The following RBKS variants were observed in gnomAD, a reference collection of about 807,000 sequenced individuals.
RBKS encodes ribokinase.
In RBKS, 33 loss-of-function variants were observed where a neutral mutation model predicts 33.9. The observed-to-expected ratio is 0.97, with a 90% CI of 0.74 to 1.30. The LOEUF (loss-of-function observed/expected upper bound fraction) is 1.30, where lower values mean the gene tolerates loss of function less well. RBKS is among the 50% of genes most tolerant of loss of function. The pLI is 0.00. For missense variants in RBKS, 361 were observed against 392.6 expected (o/e 0.92, Z 0.68); for synonymous variants, 125 against 143.0 (o/e 0.87, Z 0.90).
In RBKS at chr2:27,843,293, A is replaced by C. The variant is rs1482450132; in HGVS notation, c.350-62T>G. 5.4e-6 allele frequency: 7 copies of C among 1,285,440 alleles called. No homozygotes were observed. In the East Asian group the frequency reaches 1.7e-4, roughly 31 times the overall value. The allele number at this position is 1,285,440 out of a possible 1,614,324, so 79.6% of individuals were successfully genotyped here. On this transcript the variant is annotated intron_variant, in intron 4 of 7. Coordinates refer to ENST00000302188, the MANE Select transcript of RBKS (RefSeq NM_022128.3). ...CAAAGCCAAGCAAATGATATTCTGC[A>C]GTGTTATGAATACAATCGCCCTTGT...
intron 7 of RBKS, among the ~76,000 whole-genome samples, chr2:27,807,667 C>T (rs1345584499): frequency 2.0e-5 from 3 of 152,092 alleles, no homozygotes; most frequent in Admixed American, 2.0e-4. Context: ...GTACTGTGCC[C>T]GGCCACCAGA....
chr2:27,878,429 A>G (rs7571012), intron 1 of RBKS, among the ~76,000 whole-genome samples: 43,227 of 151,264 alleles, frequency 0.29, 6,984 homozygotes, highest in East Asian at 0.63. Flanking sequence ...CCAGTCTATC[A>G]TTGTTGGACA....
intron 7 of RBKS, among the ~76,000 whole-genome samples, chr2:27,807,915 G>A (rs1677923889): frequency 6.6e-6 from 1 of 152,206 alleles, no homozygotes; most frequent in Non-Finnish European, 1.5e-5. Flanking sequence ...GAAAAAAAGA[G>A]GTGGAGGACT....
intron 1 of RBKS, among the ~76,000 whole-genome samples, chr2:27,868,648 T>C (rs1664146120): frequency 6.6e-6 from 1 of 152,200 alleles, no homozygotes; most frequent in Admixed American, 6.5e-5. Context: ...ACTTCTTGTT[T>C]TGAGTGTGTC....
At chr2:27,789,868 ATGTGTGTG>A (rs112593610) in intron 7 of RBKS, among the ~76,000 whole-genome samples, 31 of 131,078 alleles carry the variant, frequency 2.4e-4, no homozygotes, top group African/African-American at 6.3e-4. Context: ...TGGCCAGCTG[ATGTGTGTG>A]TGTGTGTGTG....
intron 6 of RBKS, 31 bp from the exon 7 acceptor site, chr2:27,827,786 G>T: frequency 6.6e-7 from 1 of 1,509,002 alleles, no homozygotes; most frequent in Non-Finnish European, 8.9e-7. Flanking sequence ...CAGAAACAGT[G>T]GTGAAAATAA....
Position 27,781,750 on chromosome 2 carries a change from G to A in RBKS, c.834C>T (p.Tyr278=). ...AGGACAGATTTGGATAGTAAGCCAGGTAGAAGGCCAGAGCTCCCACAAAGC... is the reference window on the plus strand; with the variant it reads ...AGGACAGATTTGGATAGTAAGCCAGATAGAAGGCCAGAGCTCCCACAAAGC... ...GDSFVGALAF[Y]LAYYPNLSLE... is the part of the protein sequence containing the mutation. The change falls in exon 8 of 8, where the codon TAC becomes TAT. Residue 278 remains tyrosine (Y), a synonymous_variant. Transcript: ENST00000302188. The A allele has an allele frequency of 6.2e-7, 1 of 1,613,814 alleles. No homozygotes were observed. Among genetic ancestry groups the A allele is most frequent in the Admixed American group, 1.7e-5 (1 of 59,950 alleles).
At chr2:27,796,372 C>T (rs1186051742) in intron 7 of RBKS, among the ~76,000 whole-genome samples, 1 of 152,142 alleles carries the variant, frequency 6.6e-6, no homozygotes, top group African/African-American at 2.4e-5. Flanking sequence ...TAACCTTTTA[C>T]TGAAAATTAT....
At chr2:27,887,851 T>C (rs1179286249) in intron 1 of RBKS, among the ~76,000 whole-genome samples, 1 of 152,170 alleles carries the variant, frequency 6.6e-6, no homozygotes, top group African/African-American at 2.4e-5. Context: ...GGAGAAATTC[T>C]TCTCTGGGCT....
chr2:27,809,206 G>A (rs1479808764), intron 7 of RBKS, among the ~76,000 whole-genome samples: 3 of 152,236 alleles, frequency 2.0e-5, no homozygotes, highest in African/African-American at 7.2e-5. Flanking sequence ...CACCCTGAGA[G>A]TGGGCTTGGG....
intron 7 of RBKS, among the ~76,000 whole-genome samples, chr2:27,820,567 CTCTCTCTCTCTCTT>C (rs1294082789): frequency 6.6e-6 from 1 of 151,358 alleles, no homozygotes; most frequent in East Asian, 2.0e-4. Flanking sequence ...CTCTCTCTCT[CTCTCTCTCTCTCTT>C]TCTTTCTTTT....
chr2:27,827,576 C>A lies in RBKS; in HGVS notation c.786G>T (p.Val262=). The change falls in exon 7 of 8, where the codon GTG becomes GTT. Residue 262 remains valine (V), a synonymous_variant. Transcript: ENST00000302188. The stretch of plus-strand genomic sequence containing the variant: ...AAATTTTAAAACTTACCGTGGTATC[C>A]ACAGCCTTGACTTTCTCTGTGGGAA... ...KHIPTEKVKA[V]DTTGAGDSFV... 1 of 1,579,374 alleles carries A rather than the reference C, an allele frequency of 6.3e-7. No homozygotes were observed. Among genetic ancestry groups the A allele is most frequent in the Non-Finnish European group, 8.6e-7 (1 of 1,166,100 alleles).
chr2:27,816,889 G>A (rs543045284), intron 7 of RBKS, among the ~76,000 whole-genome samples: 10 of 152,288 alleles, frequency 6.6e-5, no homozygotes, highest in South Asian at 2.1e-4. Flanking sequence ...GAGCCACCGC[G>A]CCCGGCCTAA....
At chr2:27,871,041 G>A (rs765614077) in intron 1 of RBKS, among the ~76,000 whole-genome samples, 6 of 152,234 alleles carry the variant, frequency 3.9e-5, no homozygotes, top group African/African-American at 1.4e-4. Context: ...TCTAGTTATG[G>A]TGCCAGCTGA....
chr2:27,833,429 G>A lies in RBKS; in HGVS notation c.515-652C>T, dbSNP rs934900697. ...AGATTGAGAAAGGAGGAGGAATTCA[G>A]TCAGAGGCTGGTGCTAGCTCAGACG... On this transcript the variant is annotated intron_variant, in intron 5 of 7. Transcript: ENST00000302188. 2.6e-5 allele frequency among the ~76,000 whole-genome samples: 4 copies of A among 152,182 alleles called. 1 individual carries two copies. Among genetic ancestry groups the A allele is most frequent in the Non-Finnish European group, 5.9e-5 (4 of 68,022 alleles).
intron 1 of RBKS, chr2:27,870,126 G>T (rs1283831657): frequency 1.3e-5 from 2 of 152,310 alleles, no homozygotes; most frequent in East Asian, 3.9e-4. Flanking sequence ...TCCTTTAAAA[G>T]CTGAGATAGG....
intron 7 of RBKS, among the ~76,000 whole-genome samples, chr2:27,800,798 T>C (rs1218722928): frequency 1.3e-5 from 2 of 151,892 alleles, no homozygotes; most frequent in Non-Finnish European, 2.9e-5. Flanking sequence ...CAGGAAGAGG[T>C]GAAGGCCAGT....
At chr2:27,835,243 T>C (rs765986021) in intron 5 of RBKS, among the ~76,000 whole-genome samples, 19 of 144,238 alleles carry the variant, frequency 1.3e-4, no homozygotes, top group Non-Finnish European at 2.5e-4. Flanking sequence ...GTCATTGCAC[T>C]CCAGCCTGGG....
At chr2:27,851,542 A>AT (rs1451145923) in intron 2 of RBKS, among the ~76,000 whole-genome samples, 2 of 149,264 alleles carry the variant, frequency 1.3e-5, no homozygotes, top group Non-Finnish European at 1.5e-5. Context: ...TAAATTTTTT[A>AT]TTTTTTTATT....
Sources: allele counts gnomAD v4.1 joint callset (sites outside exome capture counted in the v4.1 genomes callset), GRCh38; gene constraint gnomAD v4.1.1; transcripts MANE v1.5; gene names NCBI Gene and HGNC (gene_info 2026-07-23, HGNC 2026-07-21).